CCSER1: variants seen among roughly 807,000 people sequenced by gnomAD.
CCSER1 encodes coiled-coil serine rich protein 1.
In CCSER1, 41 loss-of-function variants were observed where a neutral mutation model predicts 82.0. The ratio of observed to expected loss-of-function variants is 0.50; its 90% CI spans 0.39 to 0.65. CCSER1 has a LOEUF of 0.65. Among genes scored for constraint, CCSER1 ranks in the 30% least tolerant of loss-of-function variants. The pLI is 0.00. For synonymous variants in CCSER1, 414 were observed against 383.9 expected (o/e 1.08, Z -0.92); for missense variants, 1,119 against 1,064.2 (o/e 1.05, Z -0.72).
chr4:90,247,746 T>G (rs916052412), intron 1 of CCSER1, among the ~76,000 whole-genome samples: 39 of 152,036 alleles, frequency 2.6e-4, no homozygotes, highest in African/African-American at 8.9e-4. Flanking sequence ...ATCTGGGCTA[T>G]TAAATGAATT....
chr4:90,946,014 T>A (rs1175101468), intron 9 of CCSER1, among the ~76,000 whole-genome samples: 1 of 152,162 alleles, frequency 6.6e-6, no homozygotes, highest in Admixed American at 6.5e-5. Context: ...AGTATTCTGC[T>A]CAATAGGGAA....
At chr4:90,247,423 G>A (rs1464666644) in intron 1 of CCSER1, among the ~76,000 whole-genome samples, 2 of 152,052 alleles carry the variant, frequency 1.3e-5, no homozygotes, top group East Asian at 3.9e-4. Context: ...AATATAACAA[G>A]AAAATATATT....
At chr4:90,416,697 CATT>C (rs1311067551) in intron 4 of CCSER1, among the ~76,000 whole-genome samples, 1 of 152,014 alleles carries the variant, frequency 6.6e-6, no homozygotes, top group Non-Finnish European at 1.5e-5. Flanking sequence ...AATGTTTTAT[CATT>C]ATTATAAATT....
In CCSER1 at chr4:91,510,683, C is replaced by T. The variant is rs1261643592; in HGVS notation, c.2218-87889C>T. 2.0e-5 allele frequency among the ~76,000 whole-genome samples: 3 copies of T among 152,154 alleles called. No individual in the cohort carries two copies. The East Asian group carries it at 5.8e-4, about 29-fold the overall frequency. On this transcript the variant is annotated intron_variant, in intron 10 of 10. Coordinates refer to ENST00000509176, the MANE Select transcript of CCSER1 (RefSeq NM_001145065.2). ...CACTTTTTAATAGGGTTTGTTTTTA[C>T]TTATTGATTTCTTTAAGTTCCTTAT...
intron 3 of CCSER1, among the ~76,000 whole-genome samples, chr4:90,347,936 T>TA (rs1355289765): frequency 6.6e-6 from 1 of 152,104 alleles, no homozygotes; most frequent in East Asian, 1.9e-4. Flanking sequence ...TATGCAGCCA[T>TA]AAAAAAGAAC....
At chr4:90,186,078 A>G (rs112000157) in intron 1 of CCSER1, among the ~76,000 whole-genome samples, 1 of 152,034 alleles carries the variant, frequency 6.6e-6, no homozygotes, top group Admixed American at 6.6e-5. Context: ...TGCATTGTCT[A>G]GGAGTGGAAC....
intron 10 of CCSER1, among the ~76,000 whole-genome samples, chr4:91,155,199 G>C (rs556675670): frequency 6.6e-6 from 1 of 151,818 alleles, no homozygotes; most frequent in Non-Finnish European, 1.5e-5. Flanking sequence ...TAATCCCCAC[G>C]TTTCATGGGA....
At chr4:91,571,362 G>A (rs1763170477) in intron 10 of CCSER1, among the ~76,000 whole-genome samples, 1 of 152,110 alleles carries the variant, frequency 6.6e-6, no homozygotes, top group African/African-American at 2.4e-5. Context: ...ACACTCTGTG[G>A]TAGCAATTTA....
chr4:91,520,635 G>A (rs1760408665), intron 10 of CCSER1, among the ~76,000 whole-genome samples: 2 of 152,048 alleles, frequency 1.3e-5, no homozygotes, highest in Admixed American at 1.3e-4. Context: ...TTCTTCATAT[G>A]GATTCAAGTT....
chr4:91,542,040 C>G (rs568026268), intron 10 of CCSER1, among the ~76,000 whole-genome samples: 21 of 152,254 alleles, frequency 1.4e-4, no homozygotes, highest in African/African-American at 4.8e-4. Context: ...TGAGAAGTGT[C>G]TGTTAATACG....
intron 10 of CCSER1, among the ~76,000 whole-genome samples, chr4:91,125,550 T>G (rs1208466083): frequency 6.6e-6 from 1 of 151,734 alleles, no homozygotes. Context: ...ATTTCTTACC[T>G]ATCTAAATTC....
At chr4:91,259,662 A>G (rs77936773) in intron 10 of CCSER1, among the ~76,000 whole-genome samples, 1 of 150,564 alleles carries the variant, frequency 6.6e-6, no homozygotes, top group South Asian at 2.1e-4. Context: ...TCATTGTTCA[A>G]CTCCCACTTA....
At chr4:90,200,441 A>AT (rs1463893172) in intron 1 of CCSER1, among the ~76,000 whole-genome samples, 31 of 151,924 alleles carry the variant, frequency 2.0e-4, no homozygotes, top group Non-Finnish European at 1.5e-4. Flanking sequence ...TATTTAGAGG[A>AT]TTTTTTCAGC....
chr4:91,428,695 T>C (rs1037535766), intron 10 of CCSER1, among the ~76,000 whole-genome samples: 5 of 152,072 alleles, frequency 3.3e-5, no homozygotes, highest in Non-Finnish European at 5.9e-5. Context: ...TTTTAAGTAT[T>C]CGTAGGTACA....
chr4:91,394,232 T>C (rs907485565), intron 10 of CCSER1, among the ~76,000 whole-genome samples: 5 of 152,000 alleles, frequency 3.3e-5, no homozygotes, highest in African/African-American at 1.2e-4. Context: ...TGCGTTGAAA[T>C]TGAAAAGGTA....
At chr4:90,268,860 T>G (rs1361444479) in intron 1 of CCSER1, among the ~76,000 whole-genome samples, 1 of 151,354 alleles carries the variant, frequency 6.6e-6, no homozygotes, top group East Asian at 1.9e-4. Context: ...AAAAAGATAC[T>G]CCATGGAAAT....
chr4:90,912,325 G>A (rs974102034), intron 8 of CCSER1, among the ~76,000 whole-genome samples: 1 of 152,212 alleles, frequency 6.6e-6, no homozygotes, highest in South Asian at 2.1e-4. Flanking sequence ...AACATTTGCT[G>A]TTCACCAATA....
intron 9 of CCSER1, among the ~76,000 whole-genome samples, chr4:90,927,360 C>G (rs1729192783): frequency 6.6e-6 from 1 of 151,962 alleles, no homozygotes. Flanking sequence ...TAGTCTTGAA[C>G]TTGGCAGTGT....
intron 3 of CCSER1, among the ~76,000 whole-genome samples, chr4:90,385,217 A>C (rs35718327): frequency 0.04 from 6,044 of 152,136 alleles, 223 homozygotes; most frequent in East Asian, 0.18. Context: ...TTTTGACATA[A>C]TGACTTAGTT....
Sources: gnomAD v4.1 joint callset for allele counts (sites outside exome capture counted in the v4.1 genomes callset) on GRCh38, gnomAD v4.1.1 for gene constraint, MANE v1.5 for transcripts, NCBI Gene and HGNC (gene_info 2026-07-23, HGNC 2026-07-21) for gene names.